PCDHA7: variants seen among roughly 807,000 people sequenced by gnomAD.
The protein encoded by PCDHA7 is protocadherin alpha 7.
A neutral mutation model predicts 57.2 loss-of-function variants in PCDHA7; 37 were observed. That is an observed-to-expected ratio of 0.65 (90% confidence interval 0.50 to 0.85). The LOEUF is 0.85. Ranked by LOEUF, PCDHA7 falls within the 40% of genes least tolerant of loss-of-function variation. The probability of loss-of-function intolerance (pLI) is 0.00; values close to 1 mark genes in which losing one functional copy is unlikely to be tolerated. For missense variants in PCDHA7, 1,188 were observed against 1,241.8 expected, an observed-to-expected ratio of 0.96 and a Z score of 0.65; for synonymous variants, 553 against 558.8, an observed-to-expected ratio of 0.99 and a Z score of 0.15.
chr5:140,947,586 A>G (rs958279437), intron 1 of PCDHA7, among the ~76,000 whole-genome samples: 1 of 151,670 alleles, frequency 6.6e-6, no homozygotes, highest in Non-Finnish European at 1.5e-5. Context: ...TAACATTTAG[A>G]TCAATTTAGG....
chr5:140,937,362 C>A lies in PCDHA7; in HGVS notation c.2356-41587C>A, dbSNP rs151333453. On this transcript the variant is annotated intron_variant, in intron 1 of 3. Coordinates refer to ENST00000525929, the MANE Select transcript of PCDHA7 (RefSeq NM_018910.3). ...TCTTCCATTTATTTTATTATTTTAT[C>A]TTAATGTTTATGTGTGTGTATGTGT... Among the ~76,000 whole-genome samples the A allele has an allele frequency of 4.1e-4, 62 of 152,138 alleles. No individual in the cohort carries two copies. In the East Asian group the frequency reaches 0.01, roughly 25 times the overall value.
At chr5:140,912,679 T>C (rs367681467) in intron 1 of PCDHA7, among the ~76,000 whole-genome samples, 6 of 152,216 alleles carry the variant, frequency 3.9e-5, no homozygotes, top group African/African-American at 1.4e-4. Context: ...CCTTGACTTA[T>C]TCCAGGTCTC....
At chr5:140,928,630 G>A in intron 1 of PCDHA7, 1 of 1,614,210 alleles carries the variant, frequency 6.2e-7, no homozygotes, top group East Asian at 2.2e-5. Context: ...TGGACACTTG[G>A]TCACAAAAGT....
At chr5:141,000,743 T>TA (rs527867626) in intron 3 of PCDHA7, among the ~76,000 whole-genome samples, 4,963 of 145,376 alleles carry the variant, frequency 0.034, 280 homozygotes, top group African/African-American at 0.12. Flanking sequence ...CTCTGTATAT[T>TA]AAAAAAAAAA....
intron 1 of PCDHA7, chr5:140,882,118 T>G: frequency 1.4e-6 from 2 of 1,431,994 alleles, no homozygotes; most frequent in Non-Finnish European, 9.4e-7. Context: ...AAGCCGCCGT[T>G]TCTTTCTTCC....
rs189226531 is a variant in PCDHA7, at chr5:140,874,455, T to C, written c.2355+37717T>C. 5.3e-5 allele frequency among the ~76,000 whole-genome samples: 8 copies of C among 152,332 alleles called. No homozygotes were observed. The East Asian group carries it at 1.5e-3, about 29-fold the overall frequency. On this transcript the variant is annotated intron_variant, in intron 1 of 3. Coordinates refer to ENST00000525929, the MANE Select transcript of PCDHA7 (RefSeq NM_018910.3). ...CATGTCCTAACTACTAAATGACCTG[T>C]AGGGGAAGATTTAGAGAAAAAGCAA...
chr5:140,915,918 T>A (rs1295505621), intron 1 of PCDHA7, among the ~76,000 whole-genome samples: 1 of 152,188 alleles, frequency 6.6e-6, no homozygotes, highest in Admixed American at 6.5e-5. Flanking sequence ...CCAGAGATGC[T>A]ACTTGGGAGT....
At chr5:140,873,449 T>G (rs565390619) in intron 1 of PCDHA7, among the ~76,000 whole-genome samples, 1 of 152,310 alleles carries the variant, frequency 6.6e-6, no homozygotes, top group Non-Finnish European at 1.5e-5. Flanking sequence ...AATAACAAAT[T>G]TGCATTTTAG....
At chr5:140,950,429 T>G (rs1339598073) in intron 1 of PCDHA7, among the ~76,000 whole-genome samples, 1 of 151,896 alleles carries the variant, frequency 6.6e-6, no homozygotes, top group Admixed American at 6.6e-5. Context: ...TTCTTCCACT[T>G]AAAAAAAATG....
intron 1 of PCDHA7, among the ~76,000 whole-genome samples, chr5:140,961,697 T>A (rs1326642906): frequency 6.6e-6 from 1 of 152,232 alleles, no homozygotes; most frequent in Non-Finnish European, 1.5e-5. Flanking sequence ...GTCCTTAGTA[T>A]GAATGCCTTC....
chr5:140,982,354 A>G, intron 2 of PCDHA7, 121 bp from the exon 3 acceptor site: 2 of 1,512,522 alleles, frequency 1.3e-6, no homozygotes, highest in East Asian at 2.4e-5. Flanking sequence ...CAGTTCAAGC[A>G]TGAGCAGAAT....
intron 1 of PCDHA7, chr5:140,930,576 T>C (rs1554207933): frequency 1.3e-5 from 2 of 152,582 alleles, no homozygotes; most frequent in Non-Finnish European, 2.9e-5. Flanking sequence ...TCTACGGTAT[T>C]ACTTTTTGAC....
chr5:140,859,351 A>T (rs2045821296), intron 1 of PCDHA7: 1 of 247,508 alleles, frequency 4.0e-6, no homozygotes, highest in Non-Finnish European at 7.7e-6. Context: ...TTTTCTACTG[A>T]TCTGATATAT....
chr5:140,871,524 G>A (rs1554165700), intron 1 of PCDHA7: 3 of 1,546,672 alleles, frequency 1.9e-6, no homozygotes, highest in Middle Eastern at 1.7e-4. Flanking sequence ...CACCTATCAG[G>A]AAGTGTATGT....
intron 1 of PCDHA7, among the ~76,000 whole-genome samples, chr5:140,879,397 G>A (rs973374921): frequency 6.6e-6 from 1 of 152,188 alleles, no homozygotes; most frequent in Non-Finnish European, 1.5e-5. Context: ...AACAGTTTGT[G>A]TGTATTTGAG....
At chr5:140,968,273 G>A in intron 1 of PCDHA7, 1 of 1,614,080 alleles carries the variant, frequency 6.2e-7, no homozygotes, top group African/African-American at 1.3e-5. Context: ...GGAGAATGCA[G>A]AGGTGACCTA....
intron 1 of PCDHA7, among the ~76,000 whole-genome samples, chr5:140,844,879 A>T (rs1779591756): frequency 6.7e-6 from 1 of 149,298 alleles, no homozygotes; most frequent in Non-Finnish European, 1.5e-5. Flanking sequence ...TACCCATTAG[A>T]CTTCGTGCAT....
At chr5:140,921,287 A>C (rs1563045357) in intron 1 of PCDHA7, among the ~76,000 whole-genome samples, 1 of 152,210 alleles carries the variant, frequency 6.6e-6, no homozygotes. Flanking sequence ...AAAAAACCTC[A>C]AATTTGCTGA....
rs149731120 is a variant in PCDHA7 at position 140,857,612 on chromosome 5, C to T, written c.2355+20874C>T. On this transcript the variant is annotated intron_variant, in intron 1 of 3. Coordinates refer to ENST00000525929, the MANE Select transcript of PCDHA7 (RefSeq NM_018910.3). ...CGGCAAGGTGTACGCGCTGCAGCCGCTGGACCACGAGGAGCTGGAGCTGCT... is the reference window on the plus strand; with the variant it reads ...CGGCAAGGTGTACGCGCTGCAGCCGTTGGACCACGAGGAGCTGGAGCTGCT... 1.6e-4 allele frequency: 263 copies of T among 1,596,592 alleles called. 14 individuals carry two copies. Among genetic ancestry groups the T allele is most frequent in the African/African-American group, 1.5e-3 (115 of 74,450 alleles).
Sources: allele counts gnomAD v4.1 joint callset (sites outside exome capture counted in the v4.1 genomes callset), GRCh38; gene constraint gnomAD v4.1.1; transcripts MANE v1.5; gene names NCBI Gene and HGNC (gene_info 2026-07-23, HGNC 2026-07-21).